NRG1: variants seen among roughly 807,000 people sequenced by gnomAD.
The protein encoded by NRG1 is pro-neuregulin-1, membrane-bound isoform.
Under a neutral mutation model 63.8 loss-of-function variants are expected in NRG1, and 18 were observed. That is an observed-to-expected ratio of 0.28 (90% CI 0.19 to 0.42). The LOEUF is 0.42. NRG1 is among the 10% of genes least tolerant of loss of function. The probability of loss-of-function intolerance (pLI) is 1.00; values close to 1 mark genes in which losing one functional copy is unlikely to be tolerated. For synonymous variants in NRG1, 302 were observed against 301.3 expected (o/e 1.00, Z -0.02); for missense variants, 762 against 814.7 (o/e 0.94, Z 0.79).
chr8:32,589,271 G>A (rs1842130868), intron 1 of NRG1, among the ~76,000 whole-genome samples: 2 of 152,196 alleles, frequency 1.3e-5, no homozygotes, highest in African/African-American at 2.4e-5. Context: ...GATAGTACAA[G>A]GAGAGAGAAA....
chr8:32,203,477 A>C (rs539040888), intron 1 of NRG1, among the ~76,000 whole-genome samples: 9 of 151,842 alleles, frequency 5.9e-5, no homozygotes, highest in African/African-American at 2.2e-4. Flanking sequence ...AGCTTCAAGC[A>C]GTTCTCCTGC....
chr8:32,060,305 A>T (rs1202610886), intron 1 of NRG1, among the ~76,000 whole-genome samples: 1 of 151,800 alleles, frequency 6.6e-6, no homozygotes, highest in Non-Finnish European at 1.5e-5. Flanking sequence ...AACTATTTAC[A>T]CTTAAAATCT....
At chr8:31,663,882 G>C (rs1218770070) in intron 1 of NRG1, among the ~76,000 whole-genome samples, 1 of 152,084 alleles carries the variant, frequency 6.6e-6, no homozygotes, top group Non-Finnish European at 1.5e-5. Context: ...GGGAAAAAAT[G>C]AGAGAGAAAG....
At chr8:32,572,426 C>T (rs1180680373) in intron 1 of NRG1, among the ~76,000 whole-genome samples, 1 of 152,100 alleles carries the variant, frequency 6.6e-6, no homozygotes, top group African/African-American at 2.4e-5. Context: ...TGTTACTATA[C>T]ACATTTGATT....
chr8:32,754,505 T>C, intron 8 of NRG1, 31 bp downstream of exon 8: 1 of 1,598,318 alleles, frequency 6.3e-7, no homozygotes, highest in Non-Finnish European at 8.6e-7. Flanking sequence ...CCTTTCTCTC[T>C]CCTTCATGCA....
intron 1 of NRG1, among the ~76,000 whole-genome samples, chr8:32,011,496 C>T (rs1383892529): frequency 6.6e-6 from 1 of 152,100 alleles, no homozygotes; most frequent in African/African-American, 2.4e-5. Flanking sequence ...TCCCTTTTGT[C>T]AGACACTGGA....
intron 1 of NRG1, among the ~76,000 whole-genome samples, chr8:32,376,269 C>A (rs551203553): frequency 6.6e-6 from 1 of 152,350 alleles, no homozygotes; most frequent in Non-Finnish European, 1.5e-5. Context: ...GTTATCCTAG[C>A]TCAGGTCACA....
chr8:32,316,472 CA>C (rs60206972), intron 1 of NRG1, among the ~76,000 whole-genome samples: 56,055 of 124,488 alleles, frequency 0.45, 12,629 homozygotes, highest in East Asian at 0.76. Context: ...GAGACTCCAT[CA>C]AAAAAAAAAA....
intron 1 of NRG1, among the ~76,000 whole-genome samples, chr8:32,255,485 A>C (rs62497577): frequency 0.067 from 10,269 of 152,234 alleles, 561 homozygotes; most frequent in African/African-American, 0.15. Context: ...TTCTGGGTTG[A>C]AAATTCTTTT....
At chr8:31,758,098 T>C (rs1817159375) in intron 1 of NRG1, among the ~76,000 whole-genome samples, 1 of 152,128 alleles carries the variant, frequency 6.6e-6, no homozygotes, top group Non-Finnish European at 1.5e-5. Flanking sequence ...GTGGGATACA[T>C]GTGCAGAACG....
intron 5 of NRG1, among the ~76,000 whole-genome samples, chr8:32,636,227 A>C (rs1379437449): frequency 2.6e-5 from 4 of 152,158 alleles, no homozygotes; most frequent in Non-Finnish European, 4.4e-5. Flanking sequence ...GGGTGGGGGC[A>C]AAAAGAAGCA....
At chr8:32,739,210 C>G (rs1825797087) in intron 6 of NRG1, among the ~76,000 whole-genome samples, 1 of 152,174 alleles carries the variant, frequency 6.6e-6, no homozygotes, top group South Asian at 2.1e-4. Context: ...TTTCCCAGTT[C>G]AGGGCACCTT....
At chr8:32,659,474 T>C (rs1013257604) in intron 5 of NRG1, among the ~76,000 whole-genome samples, 1 of 152,184 alleles carries the variant, frequency 6.6e-6, no homozygotes, top group Non-Finnish European at 1.5e-5. Context: ...ACCTTGATCA[T>C]GCACCTAATT....
intron 1 of NRG1, among the ~76,000 whole-genome samples, chr8:32,080,660 T>G (rs1827305034): frequency 1.3e-5 from 2 of 151,870 alleles, no homozygotes; most frequent in African/African-American, 4.8e-5. Flanking sequence ...AGTTCTGAGA[T>G]GATATTTCCA....
At chr8:31,759,646 C>A (rs1000847774) in intron 1 of NRG1, among the ~76,000 whole-genome samples, 1 of 152,052 alleles carries the variant, frequency 6.6e-6, no homozygotes. Context: ...AGTTAGCATA[C>A]GTTCTCTAAC....
intron 1 of NRG1, among the ~76,000 whole-genome samples, chr8:31,799,543 T>C (rs1371983111): frequency 6.6e-6 from 1 of 152,052 alleles, no homozygotes; most frequent in Non-Finnish European, 1.5e-5. Context: ...AACATGTTGG[T>C]ATATTTCTTT....
At position 32,099,162 on chromosome 8, in the gene NRG1, G is replaced by A. The variant is rs752770379; in HGVS notation, c.37+459731G>A. Among the ~76,000 whole-genome samples the A allele has an allele frequency of 6.2e-4, 94 of 152,188 alleles. 2 individuals are homozygous for A. The highest frequency in any genetic ancestry group is 6.5e-4 in the Admixed American group (10 of 15,284). ...CTTGCTGGGGATTTTATGGGATGGC[G>A]CTTGTGCTGGGGAGGGCTATGTGCT... On this transcript the variant is annotated intron_variant, in intron 1 of 10. Coordinates refer to the NRG1 transcript ENST00000519301.
intron 5 of NRG1, among the ~76,000 whole-genome samples, chr8:32,708,510 A>G (rs1346349571): frequency 2.0e-5 from 3 of 152,232 alleles, no homozygotes; most frequent in Non-Finnish European, 4.4e-5. Flanking sequence ...CCTCCATTGA[A>G]TAAGACATTT....
chr8:32,554,930 T>TCTC (rs1554580904), intron 1 of NRG1, among the ~76,000 whole-genome samples: 2 of 51,290 alleles, frequency 3.9e-5, no homozygotes, highest in Non-Finnish European at 1.1e-4. Flanking sequence ...TCTCTCTCTC[T>TCTC]TTTTTTTTTT....
Sources: gnomAD v4.1 joint callset for allele counts (sites outside exome capture counted in the v4.1 genomes callset) on GRCh38, gnomAD v4.1.1 for gene constraint, MANE v1.5 for transcripts, NCBI Gene and HGNC (gene_info 2026-07-23, HGNC 2026-07-21) for gene names.